Variants in PC observed in about 807,000 individuals in gnomAD.
The protein encoded by PC is pyruvate carboxylase, mitochondrial.
Under a neutral mutation model 107.8 loss-of-function variants are expected in PC, and 46 were observed. The ratio of observed to expected loss-of-function variants is 0.43; its 90% CI spans 0.34 to 0.55. The LOEUF (loss-of-function observed/expected upper bound fraction) is 0.55. PC is among the 20% of genes least tolerant of loss of function. PC has a pLI of 0.04. For synonymous variants in PC, 662 were observed against 684.7 expected (o/e 0.97, Z 0.52); for missense variants, 1,241 against 1,643.1 (o/e 0.76, Z 4.23).
At chr11:66,879,172 G>A (rs1947093589) in intron 3 of PC, among the ~76,000 whole-genome samples, 1 of 152,166 alleles carries the variant, frequency 6.6e-6, no homozygotes, top group Admixed American at 6.5e-5. Context: ...CCATGATGCA[G>A]CTCCATGCTG....
chr11:66,936,855 G>A (rs58566730), intron 3 of PC, among the ~76,000 whole-genome samples: 7,865 of 151,668 alleles, frequency 0.052, 389 homozygotes, highest in East Asian at 0.13. Context: ...TTTTTAAGAT[G>A]GAGTCTTGCT....
At chr11:66,920,650 C>A (rs1046698779) in intron 3 of PC, among the ~76,000 whole-genome samples, 5 of 152,160 alleles carry the variant, frequency 3.3e-5, no homozygotes, top group African/African-American at 9.7e-5. Flanking sequence ...CAAGCAGCCT[C>A]CCCGCCTTGA....
intron 12 of PC, among the ~76,000 whole-genome samples, chr11:66,859,304 C>A (rs1036532081): frequency 2.0e-5 from 3 of 152,178 alleles, no homozygotes; most frequent in African/African-American, 7.2e-5. Flanking sequence ...GACCCCACCC[C>A]GAGATGTCCC....
At chr11:66,880,926 G>C (rs779415126) in intron 3 of PC, among the ~76,000 whole-genome samples, 39 of 152,214 alleles carry the variant, frequency 2.6e-4, no homozygotes, top group Non-Finnish European at 3.5e-4. Context: ...AGAACCCACA[G>C]AGCCGTTTCC....
chr11:66,957,175 G>A (rs1949582504), intron 1 of PC, among the ~76,000 whole-genome samples: 1 of 152,230 alleles, frequency 6.6e-6, no homozygotes, highest in South Asian at 2.1e-4. Flanking sequence ...TGGTGGCAGT[G>A]GGTACGGGAG....
chr11:66,948,315 G>C (rs897843438), intron 3 of PC, among the ~76,000 whole-genome samples: 8 of 152,076 alleles, frequency 5.3e-5, no homozygotes, highest in Admixed American at 2.0e-4. Context: ...AATATATACT[G>C]TATGAGTCAA....
At chr11:66,887,340 A>T (rs1251385071) in intron 3 of PC, among the ~76,000 whole-genome samples, 1 of 152,222 alleles carries the variant, frequency 6.6e-6, no homozygotes, top group Non-Finnish European at 1.5e-5. Context: ...TGGGATTTTT[A>T]AAAAACAGGA....
intron 3 of PC, among the ~76,000 whole-genome samples, chr11:66,903,901 C>T (rs1948067167): frequency 1.4e-5 from 2 of 147,824 alleles, no homozygotes; most frequent in East Asian, 2.0e-4. Context: ...GATCTCAGCT[C>T]ACTGCAACCT....
At chr11:66,883,465 C>T (rs960623068) in intron 3 of PC, among the ~76,000 whole-genome samples, 2 of 152,170 alleles carry the variant, frequency 1.3e-5, no homozygotes, top group Non-Finnish European at 2.9e-5. Context: ...AATGCCTTCC[C>T]TATATTCCCC....
At chr11:66,859,526 CCCGAGTGG>C in intron 12 of PC, 3 of 1,542,256 alleles carry the variant, frequency 1.9e-6, no homozygotes, top group Non-Finnish European at 2.6e-6. Context: ...AACCCAAGAG[CCCGAGTGG>C]CCCCAGGGGG....
At chr11:66,890,367 A>C (rs989434532) in intron 3 of PC, among the ~76,000 whole-genome samples, 2 of 150,092 alleles carry the variant, frequency 1.3e-5, no homozygotes, top group Admixed American at 1.3e-4. Flanking sequence ...AGCCCAGACT[A>C]AGGCAGTGAC....
intron 3 of PC, among the ~76,000 whole-genome samples, chr11:66,884,964 C>G (rs1445402410): frequency 6.6e-6 from 1 of 152,168 alleles, no homozygotes; most frequent in Non-Finnish European, 1.5e-5. Context: ...CAGGCCACCC[C>G]ACCCCTGCTG....
intron 3 of PC, among the ~76,000 whole-genome samples, chr11:66,925,183 G>T (rs1461362433): frequency 6.6e-6 from 1 of 152,158 alleles, no homozygotes; most frequent in Non-Finnish European, 1.5e-5. Flanking sequence ...TTTCGGGCAC[G>T]CATTGTCATT....
chr11:66,882,126 T>G (rs76693359), intron 3 of PC, among the ~76,000 whole-genome samples: 6,875 of 152,278 alleles, frequency 0.045, 184 homozygotes, highest in Non-Finnish European at 0.067. Context: ...ATCATCAAAA[T>G]GTCCCTGAAA....
chr11:66,916,028 C>T (rs1591278299), intron 3 of PC, among the ~76,000 whole-genome samples: 1 of 152,222 alleles, frequency 6.6e-6, no homozygotes, highest in African/African-American at 2.4e-5. Flanking sequence ...AACAAACACA[C>T]CAACTGTGTT....
chr11:66,850,655 G>A lies in PC; in HGVS notation c.2473+19C>T, dbSNP rs765280736. 12 of 1,605,922 alleles carry A rather than the reference G, an allele frequency of 7.5e-6. No homozygotes were observed. The highest frequency in any genetic ancestry group is 5.0e-5 in the Admixed American group (3 of 59,992). ...GCGGCTTTGAGAGGGGTGTGGCCACGGGCTGCTGTTCTTCCTACCTGTGTC... is the reference window on the plus strand; with the variant it reads ...GCGGCTTTGAGAGGGGTGTGGCCACAGGCTGCTGTTCTTCCTACCTGTGTC... On this transcript the variant is annotated intron_variant, in intron 18 of 22. Coordinates refer to ENST00000393960, the MANE Select transcript of PC (RefSeq NM_001040716.2).
chr11:66,924,641 G>A (rs1041818632), intron 3 of PC, among the ~76,000 whole-genome samples: 9 of 151,994 alleles, frequency 5.9e-5, no homozygotes, highest in South Asian at 2.1e-4. Context: ...CAAAAAATTA[G>A]CATGTGTCAG....
At chr11:66,915,936 C>A (rs1843801334) in intron 3 of PC, among the ~76,000 whole-genome samples, 1 of 152,174 alleles carries the variant, frequency 6.6e-6, no homozygotes, top group Admixed American at 6.5e-5. Flanking sequence ...AACTACCCCT[C>A]CCATAGTCTC....
chr11:66,944,139 G>T lies in PC; in HGVS notation c.-1+8291C>A, dbSNP rs758888822. ...CAATAAAAATACAAAAAATTAGCCG[G>T]GTGTGATGGTGGGCGCCTGTAGTCC... On this transcript the variant is annotated intron_variant, in intron 3 of 22. Coordinates refer to ENST00000393960, the MANE Select transcript of PC (RefSeq NM_001040716.2). 2.6e-5 allele frequency among the ~76,000 whole-genome samples: 3 copies of T among 113,866 alleles called. 1 individual carries two copies. Among genetic ancestry groups the T allele is most frequent in the Non-Finnish European group, 5.8e-5 (3 of 51,552 alleles). 74.7% of individuals were successfully genotyped at this position (113,866 alleles called of 152,430 possible).
Sources: gnomAD v4.1 joint callset for allele counts (sites outside exome capture counted in the v4.1 genomes callset) on GRCh38, gnomAD v4.1.1 for gene constraint, MANE v1.5 for transcripts, NCBI Gene and HGNC (gene_info 2026-07-23, HGNC 2026-07-21) for gene names.